The following PRR16 variants were observed in gnomAD, a reference collection of about 807,000 sequenced individuals.
PRR16 encodes the protein protein Largen.
In PRR16, 6 loss-of-function variants were observed where a neutral mutation model predicts 18.2. The ratio of observed to expected loss-of-function variants is 0.33; its 90% CI spans 0.18 to 0.65. The LOEUF (loss-of-function observed/expected upper bound fraction) is 0.65, where lower values mean the gene tolerates loss of function less well. Among genes scored for constraint, PRR16 ranks in the 30% least tolerant of loss-of-function variants. The pLI is 0.74. For missense variants in PRR16, 412 were observed against 376.6 expected (o/e 1.09, Z -0.78); for synonymous variants, 151 against 147.8 (o/e 1.02, Z -0.16).
chr5:120,521,697 G>A (rs1237889477), intron 1 of PRR16, among the ~76,000 whole-genome samples: 1 of 151,848 alleles, frequency 6.6e-6, no homozygotes, highest in African/African-American at 2.4e-5. Flanking sequence ...TATACTTTAA[G>A]TTCTAGGGTA....
At position 120,622,844 on chromosome 5, in the gene PRR16, C is replaced by T. The variant is rs566661301; in HGVS notation, c.160-63110C>T. 3.9e-3 allele frequency among the ~76,000 whole-genome samples: 585 copies of T among 151,314 alleles called. 4 individuals are homozygous for T. The highest frequency in any genetic ancestry group is 0.014 in the African/African-American group (555 of 40,766). ...AAATCCTGTACTTTTTACATTATTTCTTTTTTGTTCTTTAAAAGACTATGT... is the reference window on the plus strand; with the variant it reads ...AAATCCTGTACTTTTTACATTATTTTTTTTTTGTTCTTTAAAAGACTATGT... On this transcript the variant is annotated intron_variant, in intron 1 of 1. Transcript: ENST00000407149.
intron 1 of PRR16, among the ~76,000 whole-genome samples, chr5:120,652,850 A>G (rs778386652): frequency 7.2e-5 from 11 of 151,970 alleles, no homozygotes; most frequent in Non-Finnish European, 1.0e-4. Context: ...ATTGTAAAAA[A>G]GTACCATACT....
At chr5:120,651,875 G>T (rs1402672037) in intron 1 of PRR16, among the ~76,000 whole-genome samples, 1 of 151,944 alleles carries the variant, frequency 6.6e-6, no homozygotes, top group Non-Finnish European at 1.5e-5. Flanking sequence ...GAAAGTCATT[G>T]GTAGCTTGAT....
intron 1 of PRR16, among the ~76,000 whole-genome samples, chr5:120,558,020 A>T (rs1334209291): frequency 6.6e-6 from 1 of 151,876 alleles, no homozygotes; most frequent in East Asian, 1.9e-4. Flanking sequence ...TTGTGGGTAC[A>T]TAGTAGGTGT....
At chr5:120,723,834 A>G in the PRR16 span, among the ~76,000 whole-genome samples, 1 of 151,904 alleles carries the variant, frequency 6.6e-6, no homozygotes, top group Non-Finnish European at 1.5e-5. Flanking sequence ...TAAATATTCA[A>G]AATACTTTAT....
In PRR16 at chr5:120,686,937, T is replaced by A; in HGVS notation, c.*228T>A. 2.9e-6 allele frequency: 1 copy of A among 350,038 alleles called. No homozygotes were observed. Among genetic ancestry groups the A allele is most frequent in the Non-Finnish European group, 5.1e-6 (1 of 197,594 alleles). 21.7% of individuals were successfully genotyped at this position (350,038 alleles called of 1,614,324 possible). On this transcript the variant is annotated 3_prime_UTR_variant, in exon 2 of 2. Coordinates refer to ENST00000407149, the MANE Select transcript of PRR16 (RefSeq NM_001300783.2). ...ACCTCAGAATGATGAAAAATATGAA[T>A]GATGCATTGTTTTTGCAATTGACCT...
At chr5:120,695,692 A>AAAAC in the PRR16 span, among the ~76,000 whole-genome samples, 1 of 152,142 alleles carries the variant, frequency 6.6e-6, no homozygotes, top group African/African-American at 2.4e-5. Context: ...AGTCCTAACA[A>AAAAC]AAACACTTCA....
At chr5:120,482,337 G>A (rs1749647002) in intron 1 of PRR16, among the ~76,000 whole-genome samples, 1 of 152,002 alleles carries the variant, frequency 6.6e-6, no homozygotes, top group South Asian at 2.1e-4. Flanking sequence ...ATGTTCTTGA[G>A]TGCCCAGTGT....
intron 1 of PRR16, among the ~76,000 whole-genome samples, chr5:120,646,010 A>G (rs924344165): frequency 5.8e-4 from 86 of 148,570 alleles, no homozygotes; most frequent in African/African-American, 1.9e-3. Flanking sequence ...TAGCCAAAAT[A>G]TGAAGATAAG....
intron 1 of PRR16, among the ~76,000 whole-genome samples, chr5:120,493,630 C>T (rs776912225): frequency 6.6e-6 from 1 of 152,086 alleles, no homozygotes; most frequent in Admixed American, 6.6e-5. Context: ...TACAGAACAG[C>T]ACCATTGCCA....
the PRR16 span, among the ~76,000 whole-genome samples, chr5:120,776,174 G>A: frequency 6.6e-6 from 1 of 152,044 alleles, no homozygotes; most frequent in African/African-American, 2.4e-5. Context: ...GTTTTACTCT[G>A]TTCCTACTTT....
intron 1 of PRR16, among the ~76,000 whole-genome samples, chr5:120,509,919 T>C (rs1312297097): frequency 6.6e-6 from 1 of 152,074 alleles, no homozygotes; most frequent in Non-Finnish European, 1.5e-5. Flanking sequence ...GTGATCCCAA[T>C]TGGACAGGCT....
the PRR16 span, among the ~76,000 whole-genome samples, chr5:120,710,310 T>G: frequency 6.6e-6 from 1 of 152,146 alleles, no homozygotes; most frequent in East Asian, 1.9e-4. Flanking sequence ...TTTTAAAAAA[T>G]TTATCATTTT....
rs1454593540 is a variant in PRR16, at chr5:120,596,420, T to G, written c.160-89534T>G. ...TGAGGACCAAACTCTTCCTAGAGTT[T>G]CCCTTACCATTGAAACTTCTATGTA... On this transcript the variant is annotated intron_variant, in intron 1 of 1. Coordinates refer to ENST00000407149, the MANE Select transcript of PRR16 (RefSeq NM_001300783.2). 4.0e-5 allele frequency among the ~76,000 whole-genome samples: 6 copies of G among 151,890 alleles called. No homozygotes were observed. The South Asian group carries it at 1.2e-3, about 31-fold the overall frequency.
chr5:120,725,651 T>G, the PRR16 span, among the ~76,000 whole-genome samples: 135 of 152,142 alleles, frequency 8.9e-4, no homozygotes, highest in Middle Eastern at 3.4e-3. Context: ...CATTCCAGCC[T>G]GAGTGACAGA....
chr5:120,746,066 G>A, the PRR16 span, among the ~76,000 whole-genome samples: 111 of 151,858 alleles, frequency 7.3e-4, no homozygotes, highest in African/African-American at 2.5e-3. Flanking sequence ...TTGAGATTTG[G>A]CATAATTCTG....
At chr5:120,726,431 A>T in the PRR16 span, among the ~76,000 whole-genome samples, 1 of 151,984 alleles carries the variant, frequency 6.6e-6, no homozygotes, top group Non-Finnish European at 1.5e-5. Context: ...AATACCCCAT[A>T]GTATTTTGAT....
At chr5:120,581,707 T>C (rs2112756035) in intron 1 of PRR16, among the ~76,000 whole-genome samples, 1 of 152,312 alleles carries the variant, frequency 6.6e-6, no homozygotes, top group Non-Finnish European at 1.5e-5. Flanking sequence ...CCAGAGATTC[T>C]GGTATGTTGT....
At chr5:120,777,015 A>C in the PRR16 span, among the ~76,000 whole-genome samples, 1 of 152,180 alleles carries the variant, frequency 6.6e-6, no homozygotes, top group African/African-American at 2.4e-5. Flanking sequence ...AGAAGGCTGG[A>C]GGAAATTTGG....
Sources: gnomAD v4.1 joint callset for allele counts (sites outside exome capture counted in the v4.1 genomes callset) on GRCh38, gnomAD v4.1.1 for gene constraint, MANE v1.5 for transcripts, NCBI Gene and HGNC (gene_info 2026-07-23, HGNC 2026-07-21) for gene names.